The following TNNI3K variants were observed in gnomAD, a reference collection of about 807,000 sequenced individuals.
TNNI3K encodes the protein serine/threonine-protein kinase TNNI3K.
A neutral mutation model predicts 114.5 loss-of-function variants in TNNI3K; 140 were observed. The ratio of observed to expected loss-of-function variants is 1.22; its 90% CI spans 1.07 to 1.41. The LOEUF is 1.41. TNNI3K is among the 40% of genes most tolerant of loss of function. TNNI3K has a pLI of 0.00. For synonymous variants in TNNI3K, 347 were observed against 347.5 expected, an observed-to-expected ratio of 1.00 and a Z score of 0.02; for missense variants, 1,125 against 1,007.6, an observed-to-expected ratio of 1.12 and a Z score of -1.58.
At chr1:74,509,659 C>T (rs1670076846) in intron 23 of TNNI3K, among the ~76,000 whole-genome samples, 1 of 147,860 alleles carries the variant, frequency 6.8e-6, no homozygotes, top group Non-Finnish European at 1.5e-5. Context: ...TTGTTTTTGT[C>T]ATGTCATATA....
At chr1:74,304,583 T>C (rs1446356981) in intron 5 of TNNI3K, among the ~76,000 whole-genome samples, 1 of 152,082 alleles carries the variant, frequency 6.6e-6, no homozygotes, top group Non-Finnish European at 1.5e-5. Flanking sequence ...GCTAGGACTA[T>C]GGGTTTGTGC....
At chr1:74,403,413 G>C (rs1320468834) in intron 17 of TNNI3K, among the ~76,000 whole-genome samples, 4 of 152,156 alleles carry the variant, frequency 2.6e-5, no homozygotes, top group East Asian at 1.9e-4. Context: ...AAATTTTCTA[G>C]TTCTGAAGTA....
chr1:74,390,729 T>C (rs1396779600), intron 17 of TNNI3K, among the ~76,000 whole-genome samples: 2 of 152,034 alleles, frequency 1.3e-5, no homozygotes, highest in African/African-American at 4.8e-5. Context: ...ATATTTTAGA[T>C]ATGGTAAGTG....
intron 11 of TNNI3K, among the ~76,000 whole-genome samples, chr1:74,361,328 T>G (rs2100499630): frequency 6.6e-6 from 1 of 152,202 alleles, no homozygotes; most frequent in South Asian, 2.1e-4. Flanking sequence ...TCCAGACTGT[T>G]GTAAGATTCA....
At chr1:74,339,001 C>A (rs1295741772) in intron 7 of TNNI3K, among the ~76,000 whole-genome samples, 1 of 152,076 alleles carries the variant, frequency 6.6e-6, no homozygotes, top group East Asian at 1.9e-4. Context: ...GAAACTGCCT[C>A]ACTCTTCCAA....
intron 6 of TNNI3K, among the ~76,000 whole-genome samples, chr1:74,335,778 A>G (rs1329776411): frequency 6.6e-6 from 1 of 152,186 alleles, no homozygotes; most frequent in Non-Finnish European, 1.5e-5. Flanking sequence ...TCTTACTACC[A>G]TGAGTTGATC....
intron 23 of TNNI3K, among the ~76,000 whole-genome samples, chr1:74,507,670 A>C (rs529872308): frequency 3.9e-5 from 6 of 152,304 alleles, no homozygotes; most frequent in African/African-American, 1.4e-4. Context: ...CACTGACACC[A>C]ACAACATGGA....
intron 4 of TNNI3K, among the ~76,000 whole-genome samples, chr1:74,270,108 T>C (rs758694439): frequency 2.6e-5 from 4 of 151,812 alleles, no homozygotes; most frequent in Non-Finnish European, 5.9e-5. Flanking sequence ...GAAGAAACAG[T>C]CATGGTGACT....
At chr1:74,273,565 T>C (rs1432946162) in intron 5 of TNNI3K, among the ~76,000 whole-genome samples, 1 of 151,966 alleles carries the variant, frequency 6.6e-6, no homozygotes, top group Non-Finnish European at 1.5e-5. Flanking sequence ...AGCATTACAA[T>C]GGCTTCTAAA....
intron 17 of TNNI3K, among the ~76,000 whole-genome samples, chr1:74,405,147 A>G (rs1298833039): frequency 1.3e-5 from 2 of 152,184 alleles, no homozygotes; most frequent in East Asian, 3.9e-4. Flanking sequence ...GCTTCTAGAA[A>G]GAGATGGTGG....
At chr1:74,331,594 G>A in intron 6 of TNNI3K, 46 bp downstream of exon 6, 1 of 1,521,800 alleles carries the variant, frequency 6.6e-7, no homozygotes. Flanking sequence ...TTGCTTAAGT[G>A]TAGGCTTTTG....
intron 16 of TNNI3K, 68 bp downstream of exon 16, chr1:74,369,653 G>T: frequency 6.8e-7 from 1 of 1,462,176 alleles, no homozygotes; most frequent in Non-Finnish European, 9.0e-7. Flanking sequence ...TACTTCAGAG[G>T]GTTTCCCATT....
intron 23 of TNNI3K, among the ~76,000 whole-genome samples, chr1:74,537,005 T>G (rs1646668050): frequency 6.6e-6 from 1 of 152,190 alleles, no homozygotes; most frequent in Non-Finnish European, 1.5e-5. Context: ...CTGTTTTGTT[T>G]GACCTGGCAT....
intron 17 of TNNI3K, among the ~76,000 whole-genome samples, chr1:74,395,726 C>CG (rs1431505760): frequency 2.0e-5 from 3 of 152,048 alleles, no homozygotes; most frequent in African/African-American, 2.4e-5. Context: ...ACCTCCAGTG[C>CG]GGGGGCTGAG....
intron 6 of TNNI3K, among the ~76,000 whole-genome samples, chr1:74,335,698 A>G (rs1660427510): frequency 6.6e-6 from 1 of 152,190 alleles, no homozygotes; most frequent in Non-Finnish European, 1.5e-5. Flanking sequence ...CGCTTGTTCC[A>G]AAAGGTAGAG....
At chr1:74,269,399 T>G (rs529339796) in intron 4 of TNNI3K, among the ~76,000 whole-genome samples, 1 of 152,012 alleles carries the variant, frequency 6.6e-6, no homozygotes, top group South Asian at 2.1e-4. Context: ...AATATTTGTT[T>G]AGCATATAAA....
chr1:74,238,005 T>C (rs1043456275), intron 2 of TNNI3K, among the ~76,000 whole-genome samples: 3 of 151,862 alleles, frequency 2.0e-5, no homozygotes, highest in Non-Finnish European at 4.4e-5. Flanking sequence ...ACTCCATAGA[T>C]AGCGCTCTTC....
At chr1:74,513,385 T>G (rs1646295575) in intron 23 of TNNI3K, among the ~76,000 whole-genome samples, 1 of 152,006 alleles carries the variant, frequency 6.6e-6, no homozygotes, top group African/African-American at 2.4e-5. Flanking sequence ...GTAGTAGGAG[T>G]TGAGAACCTG....
At chr1:74,304,605 T>C (rs972730492) in intron 5 of TNNI3K, among the ~76,000 whole-genome samples, 7 of 151,932 alleles carry the variant, frequency 4.6e-5, no homozygotes, top group Admixed American at 1.3e-4. Flanking sequence ...ACCATGCCTG[T>C]CTAATTTTTA....
Sources: allele counts gnomAD v4.1 joint callset (sites outside exome capture counted in the v4.1 genomes callset), GRCh38; gene constraint gnomAD v4.1.1; transcripts MANE v1.5; gene names NCBI Gene and HGNC (gene_info 2026-07-23, HGNC 2026-07-21).